The following L2HGDH variants were observed in gnomAD, a reference collection of about 807,000 sequenced individuals.
The protein encoded by L2HGDH is L-2-hydroxyglutarate dehydrogenase, mitochondrial.
In L2HGDH, 34 loss-of-function variants were observed where a neutral mutation model predicts 51.5. The ratio of observed to expected loss-of-function variants is 0.66; its 90% CI spans 0.50 to 0.88. The LOEUF (loss-of-function observed/expected upper bound fraction) is 0.88. L2HGDH is among the 40% of genes least tolerant of loss of function. L2HGDH has a pLI of 0.00. For synonymous variants in L2HGDH, 198 were observed against 197.9 expected (o/e 1.00, Z -0.01); for missense variants, 558 against 571.9 (o/e 0.98, Z 0.25).
At position 50,243,174 on chromosome 14, in the gene L2HGDH, T is replaced by C; in HGVS notation, c.*3884A>G. 1 of 985,416 alleles carries C rather than the reference T, an allele frequency of 1.0e-6. No individual in the cohort carries two copies. The highest frequency in any genetic ancestry group is 6.1e-5 in the Admixed American group (1 of 16,280). 61.0% of individuals were successfully genotyped at this position (985,416 alleles called of 1,614,324 possible). On this transcript the variant is annotated 3_prime_UTR_variant, in exon 10 of 10. Transcript: ENST00000267436. The stretch of plus-strand genomic sequence containing the variant: ...GCTGAGAGGATCAAGGGAAGGACTT[T>C]GATATACACATATATGTATGGATAA...
Position 50,312,135 on chromosome 14 carries a change from G to T in L2HGDH, c.16C>A (p.Arg6Ser). The T allele has an allele frequency of 6.2e-7, 1 of 1,610,178 alleles. No individual in the cohort carries two copies. Among genetic ancestry groups the T allele is most frequent in the South Asian group, 1.1e-5 (1 of 90,786 alleles). The stretch of plus-strand genomic sequence containing the variant: ...CGTCCGCAGGCACCAACCAAATAAC[G>T]CAGCGCTGGCACCATCCCCTACGCA... MVPAL[R>S]YLVGACGRAR... Residue 6 changes from arginine (R) to serine (S), a missense_variant, in exon 1 of 10, where the codon CGT (arginine) becomes AGT (serine). This residue lies in a region of L2HGDH where 194 missense variants were observed against 187.2 expected (regional missense o/e 1.04). Coordinates refer to ENST00000267436, the MANE Select transcript of L2HGDH (RefSeq NM_024884.3).
chr14:50,302,139 C>T lies in L2HGDH; in HGVS notation c.286G>A (p.Val96Ile). Residue 96 changes from valine to isoleucine, a missense_variant, in exon 3 of 10, where the codon GTC becomes ATC. By Grantham distance (29) the Val-to-Ile change is conservative. Transcript: ENST00000267436. The part of the protein sequence containing the change: ...AVHQTGHNSG[V>I]IHSGIYYKPE... Reference sequence around the variant, plus strand: ...TTATAATAAATTCCACTATGTATGACACCACTGTTATGTCCAGTCTGGTGA... The same window carrying T: ...TTATAATAAATTCCACTATGTATGATACCACTGTTATGTCCAGTCTGGTGA... 3 of 1,614,078 alleles carry T rather than the reference C, an allele frequency of 1.9e-6. No individual in the cohort carries two copies. Among genetic ancestry groups the T allele is most frequent in the South Asian group, 2.2e-5 (2 of 91,084 alleles).
chr14:50,246,696 T>A lies in L2HGDH; in HGVS notation c.*362A>T, dbSNP rs1888024661. ...ATCTACCTGCCTTGGCTTCCCAAAG[T>A]GCTGGCCACGGCCCCCAGCCTAACA... On this transcript the variant is annotated 3_prime_UTR_variant, in exon 10 of 10. Transcript: ENST00000267436. 1 of 182,578 alleles carries A rather than the reference T, an allele frequency of 5.5e-6. No individual in the cohort carries two copies. Among genetic ancestry groups the A allele is most frequent in the Non-Finnish European group, 1.2e-5 (1 of 86,322 alleles). The allele number at this position is 182,578 out of a possible 1,614,324, so 11.3% of individuals were successfully genotyped here. A position where few individuals can be genotyped will look rare whatever the true frequency, so the allele number is the denominator to read the frequency against.
intron 9 of L2HGDH, among the ~76,000 whole-genome samples, chr14:50,259,985 C>CAGAGACAG (rs1888922746): frequency 7.0e-6 from 1 of 142,370 alleles, no homozygotes; most frequent in Non-Finnish European, 1.5e-5. Flanking sequence ...GAGAAGAAGA[C>CAGAGACAG]AGAGAGAGAG....
At chr14:50,247,358 A>C (rs775431418) in intron 9 of L2HGDH, 105 bp from the exon 10 acceptor site, 2 of 1,515,236 alleles carry the variant, frequency 1.3e-6, no homozygotes, top group Non-Finnish European at 1.8e-6. Flanking sequence ...TTCTAAATGC[A>C]CAATTATATG....
At chr14:50,289,992 G>A (rs1480685746) in intron 4 of L2HGDH, among the ~76,000 whole-genome samples, 3 of 152,090 alleles carry the variant, frequency 2.0e-5, no homozygotes, top group African/African-American at 7.2e-5. Flanking sequence ...TCGGCCAGGC[G>A]CAGTGGCTCA....
intron 9 of L2HGDH, among the ~76,000 whole-genome samples, chr14:50,260,172 C>G (rs575314979): frequency 6.6e-6 from 1 of 152,218 alleles, no homozygotes; most frequent in South Asian, 2.1e-4. Flanking sequence ...TCCCCAAGAC[C>G]AAGATAGACA....
chr14:50,247,698 A>G (rs1888088736), intron 9 of L2HGDH, among the ~76,000 whole-genome samples: 3 of 152,218 alleles, frequency 2.0e-5, no homozygotes, highest in Non-Finnish European at 4.4e-5. Flanking sequence ...CCTGTATCCT[A>G]TTCTACTTAT....
chr14:50,294,603 T>A (rs1288739548), intron 3 of L2HGDH, among the ~76,000 whole-genome samples: 2 of 151,610 alleles, frequency 1.3e-5, no homozygotes, highest in Non-Finnish European at 2.9e-5. Context: ...GGACTTTACT[T>A]TTTTTCCCCC....
At chr14:50,298,492 T>G (rs1430003733) in intron 3 of L2HGDH, among the ~76,000 whole-genome samples, 1 of 151,928 alleles carries the variant, frequency 6.6e-6, no homozygotes, top group Non-Finnish European at 1.5e-5. Context: ...ATTTTGTATT[T>G]TTAGTAGAGA....
rs786200869 is a variant in L2HGDH at position 50,265,438 on chromosome 14, CA to C, written c.1115del (p.Met372SerfsTer11). The C allele has an allele frequency of 6.2e-7, 1 of 1,612,926 alleles. No homozygotes were observed. Among genetic ancestry groups the C allele is most frequent in the Middle Eastern group, 1.7e-4 (1 of 6,058 alleles). On this transcript the variant is annotated frameshift_variant, in exon 9 of 10. Coordinates refer to ENST00000267436, the MANE Select transcript of L2HGDH (RefSeq NM_024884.3). LOFTEE classifies it high-confidence loss of function. ...SQNFSYGVTE[M>X]YKACFLGATV... ...TTGCACCAAGAAAACATGCTTTATACATTTCAGTAACTCCATAGGAAAAATT... is the reference window on the plus strand; with the variant it reads ...TTGCACCAAGAAAACATGCTTTATACTTTCAGTAACTCCATAGGAAAAATT...
intron 3 of L2HGDH, among the ~76,000 whole-genome samples, chr14:50,301,294 C>G (rs907767034): frequency 6.6e-6 from 1 of 152,146 alleles, no homozygotes; most frequent in African/African-American, 2.4e-5. Flanking sequence ...TGGAGTTACC[C>G]TGACAATCCA....
intron 9 of L2HGDH, among the ~76,000 whole-genome samples, chr14:50,265,118 A>G (rs1418004139): frequency 6.6e-6 from 1 of 152,266 alleles, no homozygotes; most frequent in African/African-American, 2.4e-5. Flanking sequence ...ATTTCAGATT[A>G]GAGCTGTAAG....
chr14:50,247,035 G>A lies in L2HGDH; in HGVS notation c.*23C>T, dbSNP rs531663775. 7.5e-6 allele frequency: 12 copies of A among 1,608,250 alleles called. No individual in the cohort carries two copies. In the Admixed American group the frequency reaches 2.0e-4, roughly 27 times the overall value. On this transcript the variant is annotated 3_prime_UTR_variant, in exon 10 of 10. Coordinates refer to ENST00000267436, the MANE Select transcript of L2HGDH (RefSeq NM_024884.3). ...TTGTTGCTGACATGAAGATTACAGT[G>A]CATACCTAGCTCCTTTCATTATTTA...
chr14:50,277,208 T>TG (rs1435676787), intron 6 of L2HGDH, among the ~76,000 whole-genome samples: 6 of 58,484 alleles, frequency 1.0e-4, no homozygotes, highest in Admixed American at 9.9e-4. Context: ...TTTTTTTTTG[T>TG]TTTTTTTTTT....
At chr14:50,271,541 C>T (rs956044454) in intron 6 of L2HGDH, among the ~76,000 whole-genome samples, 2 of 152,054 alleles carry the variant, frequency 1.3e-5, no homozygotes, top group African/African-American at 4.8e-5. Flanking sequence ...TACATTAGTT[C>T]AACAAAAATT....
intron 5 of L2HGDH, among the ~76,000 whole-genome samples, chr14:50,283,296 A>C (rs917767627): frequency 3.9e-5 from 6 of 152,090 alleles, no homozygotes; most frequent in African/African-American, 1.4e-4. Context: ...AATTTTCCAT[A>C]AACAGCCTTG....
intron 9 of L2HGDH, among the ~76,000 whole-genome samples, chr14:50,247,854 C>T (rs990159872): frequency 1.3e-5 from 2 of 151,482 alleles, no homozygotes; most frequent in Admixed American, 6.6e-5. Context: ...ATAGGAAAAG[C>T]ATAAAAATAA....
At chr14:50,272,325 C>T (rs1159627614) in intron 6 of L2HGDH, among the ~76,000 whole-genome samples, 1 of 152,064 alleles carries the variant, frequency 6.6e-6, no homozygotes, top group Non-Finnish European at 1.5e-5. Context: ...TCATATGATG[C>T]TATACTCTAG....
Sources: gnomAD v4.1 joint callset for allele counts (sites outside exome capture counted in the v4.1 genomes callset) on GRCh38, gnomAD v4.1.1 for gene constraint, gnomAD v4.1.1 regional missense constraint, MANE v1.5 for transcripts, NCBI Gene and HGNC (gene_info 2026-07-23, HGNC 2026-07-21) for gene names.